SHISAL2A: variants seen among roughly 807,000 people sequenced by gnomAD.
The protein encoded by SHISAL2A is protein shisa-like-2A.
In SHISAL2A, 18 loss-of-function variants were observed where a neutral mutation model predicts 11.5. That is an observed-to-expected ratio of 1.57 (90% CI 1.08 to 2.33). The LOEUF (loss-of-function observed/expected upper bound fraction) is 2.33, where lower values mean the gene tolerates loss of function less well. SHISAL2A is among the 30% of genes most tolerant of loss of function. SHISAL2A has a pLI of 0.00. For synonymous variants in SHISAL2A, 94 were observed against 99.6 expected (o/e 0.94, Z 0.34); for missense variants, 261 against 250.9 (o/e 1.04, Z -0.27).
chr1:52,644,300 A>G (rs891139979), intron 2 of SHISAL2A, among the ~76,000 whole-genome samples: 1 of 152,246 alleles, frequency 6.6e-6, no homozygotes, highest in African/African-American at 2.4e-5. Flanking sequence ...GTCCCAGCAT[A>G]GGGTAAGTAG....
intron 2 of SHISAL2A, among the ~76,000 whole-genome samples, chr1:52,647,156 A>G (rs6675099): frequency 0.35 from 53,016 of 152,030 alleles, 9,389 homozygotes; most frequent in Middle Eastern, 0.42. Flanking sequence ...TTTTAGAGAC[A>G]TGAGTTTTAG....
At chr1:52,642,387 A>G (rs974581941) in intron 1 of SHISAL2A, among the ~76,000 whole-genome samples, 14 of 151,924 alleles carry the variant, frequency 9.2e-5, no homozygotes, top group Non-Finnish European at 1.9e-4. Flanking sequence ...ACAAGTAGGG[A>G]CAAAACAAAA....
downstream of SHISAL2A, among the ~76,000 whole-genome samples, chr1:52,658,205 A>G (rs184173760): frequency 2.8e-3 from 423 of 152,006 alleles, 5 homozygotes; most frequent in African/African-American, 9.7e-3. Context: ...ATGCCTGGCT[A>G]ATTTTTGTAT....
At chr1:52,667,379 C>A in intron 4 of SHISAL2A, 1 of 984,234 alleles carries the variant, frequency 1.0e-6, no homozygotes, top group Non-Finnish European at 1.2e-6. Flanking sequence ...GATTTGTTCA[C>A]ATTCTCTATG....
chr1:52,666,583 C>CGCGTGTGTGTGT (rs1553253597), intron 4 of SHISAL2A, among the ~76,000 whole-genome samples: 20 of 150,364 alleles, frequency 1.3e-4, no homozygotes, highest in African/African-American at 4.2e-4. Context: ...TGCACACGCG[C>CGCGTGTGTGTGT]GTGTGTGTGT....
intron 2 of SHISAL2A, among the ~76,000 whole-genome samples, chr1:52,647,022 C>G (rs140746416): frequency 6.6e-6 from 1 of 152,038 alleles, no homozygotes; most frequent in Non-Finnish European, 1.5e-5. Context: ...TTAGTAGACA[C>G]AGAGTTTCGT....
At chr1:52,648,857 A>G (rs1276426773) in intron 2 of SHISAL2A, among the ~76,000 whole-genome samples, 1 of 149,782 alleles carries the variant, frequency 6.7e-6, no homozygotes, top group Non-Finnish European at 1.5e-5. Context: ...CCTAATTCCT[A>G]CTTTTCTGGC....
chr1:52,648,161 T>G (rs1691545777), intron 2 of SHISAL2A, among the ~76,000 whole-genome samples: 1 of 149,514 alleles, frequency 6.7e-6, no homozygotes, highest in African/African-American at 2.4e-5. Context: ...ATTATATAAT[T>G]GTTAGTTTTA....
chr1:52,638,191 A>G (rs1691279429), intron 1 of SHISAL2A, among the ~76,000 whole-genome samples: 1 of 152,008 alleles, frequency 6.6e-6, no homozygotes, highest in Non-Finnish European at 1.5e-5. Flanking sequence ...TCCGATCTGG[A>G]ATGTATCACC....
Position 52,633,285 on chromosome 1 carries a change from AC to A in SHISAL2A, c.-205del, listed in dbSNP as rs1691166782. The A allele has an allele frequency of 4.5e-6, 2 of 441,396 alleles. No homozygotes were observed. The highest frequency in any genetic ancestry group is 2.1e-5 in the African/African-American group (1 of 47,390). The allele number at this position is 441,396 out of a possible 1,614,324, so 27.3% of individuals were successfully genotyped here. ...CCCGCCGCCCGCCCCGCCTGCCCCT[AC>A]CCCTCCGCGCGGGCCGGGCACCTGG... is the stretch of plus-strand genomic sequence containing the variant. On this transcript the variant is annotated 5_prime_UTR_variant, in exon 1 of 3. Coordinates refer to ENST00000517870, the MANE Select transcript of SHISAL2A (RefSeq NM_001042693.3). This position sits in a 1 kb window ranked among gnomAD's most constrained non-coding sequence, Gnocchi z 6.4.
intron 2 of SHISAL2A, among the ~76,000 whole-genome samples, chr1:52,655,664 G>A (rs1410883383): frequency 6.6e-6 from 1 of 152,028 alleles, no homozygotes; most frequent in East Asian, 1.9e-4. Context: ...TATATAGGTG[G>A]CAAATAGGCA....
intron 2 of SHISAL2A, among the ~76,000 whole-genome samples, chr1:52,646,521 A>G (rs1363661651): frequency 6.6e-6 from 1 of 151,850 alleles, no homozygotes; most frequent in Non-Finnish European, 1.5e-5. Flanking sequence ...ACACACACAC[A>G]CACACACAAT....
At chr1:52,644,558 C>T (rs569163071) in intron 2 of SHISAL2A, among the ~76,000 whole-genome samples, 34 of 151,724 alleles carry the variant, frequency 2.2e-4, no homozygotes, top group Admixed American at 6.6e-4. Context: ...AACCCTGTCT[C>T]TACTAAAAAT....
chr1:52,655,170 A>C (rs1286438969), intron 2 of SHISAL2A, among the ~76,000 whole-genome samples: 1 of 151,546 alleles, frequency 6.6e-6, no homozygotes, highest in East Asian at 2.0e-4. Context: ...TGGGTGACAG[A>C]GTGATATGTC....
chr1:52,643,152 A>G, intron 2 of SHISAL2A, 150 bp downstream of exon 2: 1 of 722,902 alleles, frequency 1.4e-6, no homozygotes, highest in Middle Eastern at 2.8e-4. Flanking sequence ...GAGATTCGTG[A>G]TCTAAACATT....
chr1:52,661,265 G>A (rs988058964), downstream of SHISAL2A, among the ~76,000 whole-genome samples: 3 of 152,218 alleles, frequency 2.0e-5, no homozygotes, highest in African/African-American at 4.8e-5. Context: ...GTGAGCACTT[G>A]CTTCCTGTTC....
At chr1:52,636,412 A>T (rs1196050123) in intron 1 of SHISAL2A, among the ~76,000 whole-genome samples, 2 of 145,202 alleles carry the variant, frequency 1.4e-5, no homozygotes, top group Non-Finnish European at 3.0e-5. Flanking sequence ...ATCTATGTGG[A>T]TTGGAAAAGT....
At chr1:52,652,002 G>A (rs1254335032) in intron 2 of SHISAL2A, among the ~76,000 whole-genome samples, 1 of 152,246 alleles carries the variant, frequency 6.6e-6, no homozygotes, top group Non-Finnish European at 1.5e-5. Flanking sequence ...CCAAGGTCTT[G>A]TAACTCCTGG....
intron 2 of SHISAL2A, among the ~76,000 whole-genome samples, chr1:52,654,099 TG>T (rs1462514690): frequency 6.6e-6 from 1 of 152,062 alleles, no homozygotes; most frequent in African/African-American, 2.4e-5. Flanking sequence ...TTTGTAGAGA[TG>T]GGTTCTTGCT....
Sources: allele counts gnomAD v4.1 joint callset (sites outside exome capture counted in the v4.1 genomes callset), GRCh38; gene constraint gnomAD v4.1.1; non-coding constraint Gnocchi (gnomAD v3.1); transcripts MANE v1.5; gene names NCBI Gene and HGNC (gene_info 2026-07-23, HGNC 2026-07-21).